The following MON1B variants were observed in gnomAD, a reference collection of about 807,000 sequenced individuals.
The protein encoded by MON1B is MON1 vesicular trafficking associated B, also known as vacuolar fusion protein MON1 homolog B.
Under a neutral mutation model 45.1 loss-of-function variants are expected in MON1B, and 26 were observed. The observed-to-expected ratio is 0.58, with a 90% CI of 0.42 to 0.80. MON1B has a LOEUF of 0.80. Among genes scored for constraint, MON1B ranks in the 30% least tolerant of loss-of-function variants. The pLI, the probability that MON1B is intolerant of heterozygous loss-of-function variation, is 0.00. For synonymous variants in MON1B, 395 were observed against 320.2 expected (o/e 1.23, Z -2.49); for missense variants, 737 against 754.5 (o/e 0.98, Z 0.27).
At position 77,195,067 on chromosome 16, in the gene MON1B, A is replaced by C; in HGVS notation, c.1208A>C (p.Gln403Pro). The C allele has an allele frequency of 1.2e-6, 2 of 1,608,516 alleles. No individual in the cohort carries two copies. The highest frequency in any genetic ancestry group is 1.7e-6 in the Non-Finnish European group (2 of 1,179,894). The stretch of plus-strand genomic sequence containing the variant: ...GCCAGTGCTCCTGCCTACAGCGTGC[A>C]GGCTGTCGGGGCGCCGGGCCTCCGG... Reference protein sequence around the residue: ...SSASAPAYSVQAVGAPGLRHF... With the variant: ...SSASAPAYSVPAVGAPGLRHF... Residue 403 changes from glutamine to proline, a missense_variant, in exon 4 of 6, where the codon CAG becomes CCG. Transcript: ENST00000248248.
intron 5 of MON1B, among the ~76,000 whole-genome samples, chr16:77,195,959 A>T (rs114535093): frequency 7.9e-4 from 120 of 152,230 alleles, no homozygotes; most frequent in African/African-American, 2.7e-3. Context: ...AGGCCCCATT[A>T]ACTACCACTG....
chr16:77,199,675 A>G lies in MON1B; in HGVS notation c.*1367A>G. On this transcript the variant is annotated 3_prime_UTR_variant, in exon 6 of 6. Transcript: ENST00000248248. ...AAACAATTTTTTAACCGTTCAGCAC[A>G]GTGGAGATAAATTAACAGGCATATT... 1 of 600,124 alleles carries G rather than the reference A, an allele frequency of 1.7e-6. No individual in the cohort carries two copies. The allele number at this position is 600,124 out of a possible 1,614,324, so 37.2% of individuals were successfully genotyped here. A position where few individuals can be genotyped will look rare whatever the true frequency, so the allele number is the denominator to read the frequency against.
chr16:77,193,497 G>C lies in MON1B; in HGVS notation c.195G>C (p.Gln65His). The C allele has an allele frequency of 6.2e-7, 1 of 1,601,664 alleles. No homozygotes were observed. The highest frequency in any genetic ancestry group is 1.7e-5 in the Admixed American group (1 of 59,322). ...CACCCAGCCCATCACCACCGCCCCA[G>C]TCAGAGGCCCTGTCAAGCACCTCTC... ...DQPPSPSPPP[Q>H]SEALSSTSRL... The change falls in exon 3 of 6, where the codon CAG becomes CAC. Residue 65 changes from glutamine to histidine, a missense_variant. Physicochemically the swap from Gln to His is conservative, Grantham distance 24. Coordinates refer to ENST00000248248, the MANE Select transcript of MON1B (RefSeq NM_014940.4). The surrounding 1 kb of genome is among the most constrained non-coding windows in gnomAD (Gnocchi z 5.0).
In MON1B at chr16:77,196,676, T is replaced by C. The variant is rs183908637; in HGVS notation, c.1443+994T>C. Among the ~76,000 whole-genome samples the C allele has an allele frequency of 5.2e-3, 796 of 152,278 alleles. 5 individuals carry two copies. The highest frequency in any genetic ancestry group is 0.018 in the African/African-American group (728 of 41,556). ...CTGTAGTCCCAGCTATTCATAAGGC[T>C]GAGGCAGGAGAATCGCTTGAACCTG... On this transcript the variant is annotated intron_variant, in intron 5 of 5. Transcript: ENST00000248248.
rs11344903 is a variant in MON1B at position 77,200,746 on chromosome 16, C to CAAAAAAAAAAAAAAAAAA, written c.*2440_*2457dup. ...ACTCCAGCGCGGAAGACAGAGTGAGCAAAAAAAAAAAAAAAAAAAGAAAAA... is the reference window on the plus strand; with the variant it reads ...ACTCCAGCGCGGAAGACAGAGTGAGCAAAAAAAAAAAAAAAAAAAAAAAAAAAAAAAAAAAAAGAAAAA... On this transcript the variant is annotated 3_prime_UTR_variant, in exon 6 of 6. Coordinates refer to ENST00000248248, the MANE Select transcript of MON1B (RefSeq NM_014940.4). 2.5e-4 allele frequency: 21 copies of CAAAAAAAAAAAAAAAAAA among 84,732 alleles called. No homozygotes were observed. The highest frequency in any genetic ancestry group is 6.5e-3 in the Middle Eastern group (1 of 154). 5.2% of individuals were successfully genotyped at this position (84,732 alleles called of 1,614,324 possible).
At position 77,195,031 on chromosome 16, in the gene MON1B, A is replaced by T. The variant is rs549303499; in HGVS notation, c.1172A>T (p.Asn391Ile). 1 of 1,612,402 alleles carries T rather than the reference A, an allele frequency of 6.2e-7. No individual in the cohort carries two copies. The highest frequency in any genetic ancestry group is 1.7e-5 in the Admixed American group (1 of 60,008). Residue 391 changes from asparagine to isoleucine, a missense_variant, in exon 4 of 6, where the codon AAT (asparagine) becomes ATT (isoleucine). Physicochemically the swap from Asn to Ile is moderately radical, Grantham distance 149. Coordinates refer to ENST00000248248, the MANE Select transcript of MON1B (RefSeq NM_014940.4). Reference sequence around the variant, plus strand: ...CTTGGGGAGGCTGCCAGCTTCTCTAATGCCTCATCAGCCAGTGCTCCTGCC... The same window carrying T: ...CTTGGGGAGGCTGCCAGCTTCTCTATTGCCTCATCAGCCAGTGCTCCTGCC... ...RALGEAASFS[N>I]ASSASAPAYS...
Position 77,199,331 on chromosome 16 carries a change from AT to A in MON1B, c.*1026del. The stretch of plus-strand genomic sequence containing the variant: ...TGCGCCTGCCCAGAGCTGACTCCTG[AT>A]TTAACCGCTGGCGTAACCGCGGGTT... On this transcript the variant is annotated 3_prime_UTR_variant, in exon 6 of 6. Transcript: ENST00000248248. 1 of 959,148 alleles carries A rather than the reference AT, an allele frequency of 1.0e-6. No individual in the cohort carries two copies. Among genetic ancestry groups the A allele is most frequent in the Non-Finnish European group, 1.6e-6 (1 of 633,294 alleles). The allele number at this position is 959,148 out of a possible 1,614,324, so 59.4% of individuals were successfully genotyped here.
chr16:77,194,315 C>T lies in MON1B; in HGVS notation c.476-20C>T. ...TCCTGATCCAGCTGTACCCCCCCTT[C>T]TTACCCCTTCCTTCCCTAGAGGACC... is the stretch of plus-strand genomic sequence containing the variant. On this transcript the variant is annotated intron_variant, in intron 3 of 5. Coordinates refer to ENST00000248248, the MANE Select transcript of MON1B (RefSeq NM_014940.4). This position sits in a 1 kb window ranked among gnomAD's most constrained non-coding sequence, Gnocchi z 8.1. 6.3e-7 allele frequency: 1 copy of T among 1,594,874 alleles called. No individual in the cohort carries two copies. Among genetic ancestry groups the T allele is most frequent in the Non-Finnish European group, 8.5e-7 (1 of 1,174,742 alleles).
rs748557982 is a variant in MON1B at position 77,195,671 on chromosome 16, C to G, written c.1432C>G (p.Leu478Val). The G allele has an allele frequency of 2.5e-6, 4 of 1,614,184 alleles. No individual in the cohort carries two copies. Among genetic ancestry groups the G allele is most frequent in the Non-Finnish European group, 2.5e-6 (3 of 1,180,008 alleles). The change falls in exon 5 of 6, where the codon CTA (leucine) becomes GTA (valine). Residue 478 changes from leucine to valine, a missense_variant. Leu to Val is a conservative substitution (Grantham distance 32). Coordinates refer to ENST00000248248, the MANE Select transcript of MON1B (RefSeq NM_014940.4). ...TTACCACGTGGCTGAGAAGGAGACA[C>G]TACTGGCCTGGGTAAGTTGGGCAGG... The part of the protein sequence containing the change: ...LIYHVAEKET[L>V]LAWVTSKFEL...
rs759185102 is a variant in MON1B at position 77,193,628 on chromosome 16, G to A, written c.326G>A (p.Arg109Gln). 1.4e-5 allele frequency: 23 copies of A among 1,613,984 alleles called. No individual in the cohort carries two copies. Among genetic ancestry groups the A allele is most frequent in the Admixed American group, 8.3e-5 (5 of 60,000 alleles). Reference protein sequence around the residue: ...DPSDEEWRSQRKHVFVLSEAG... With the variant: ...DPSDEEWRSQQKHVFVLSEAG... ...AGTGATGAGGAGTGGCGCAGCCAGC[G>A]GAAGCATGTGTTTGTGCTGAGTGAG... is the stretch of plus-strand genomic sequence containing the variant. Residue 109 changes from arginine to glutamine, a missense_variant, in exon 3 of 6, where the codon CGG (arginine) becomes CAG (glutamine). Transcript: ENST00000248248. The surrounding 1 kb of genome is among the most constrained non-coding windows in gnomAD (Gnocchi z 5.0).
At chr16:77,197,069 T>A (rs4887893) in intron 5 of MON1B, among the ~76,000 whole-genome samples, 10 of 151,988 alleles carry the variant, frequency 6.6e-5, no homozygotes, top group Admixed American at 6.5e-4. Context: ...TAGTAGAGAT[T>A]GGAATTTTAA....
In MON1B at chr16:77,194,169, C is replaced by A. The variant is rs1038104496; in HGVS notation, c.476-166C>A. The A allele has an allele frequency of 8.4e-6, 6 of 714,072 alleles. No homozygotes were observed. The highest frequency in any genetic ancestry group is 1.2e-5 in the Non-Finnish European group (5 of 402,572). 44.2% of individuals were successfully genotyped at this position (714,072 alleles called of 1,614,324 possible). A position where few individuals can be genotyped will look rare whatever the true frequency, so the allele number is the denominator to read the frequency against. On this transcript the variant is annotated intron_variant, in intron 3 of 5. Transcript: ENST00000248248. The surrounding 1 kb of genome is among the most constrained non-coding windows in gnomAD (Gnocchi z 8.1). ...ATCCCATCATGTCTCTGCAAATGTCCAGATTCCTCCAGCTTGTCCTTACCC... is the reference window on the plus strand; with the variant it reads ...ATCCCATCATGTCTCTGCAAATGTCAAGATTCCTCCAGCTTGTCCTTACCC...
rs767968035 is a variant in MON1B at position 77,194,474 on chromosome 16, T to C, written c.615T>C (p.Ser205=). 7 of 1,614,100 alleles carry C rather than the reference T, an allele frequency of 4.3e-6. No individual in the cohort carries two copies. The East Asian group carries it at 1.6e-4, about 36-fold the overall frequency. The change falls in exon 4 of 6, where the codon AGT becomes AGC. Residue 205 remains serine, a synonymous_variant. Coordinates refer to ENST00000248248, the MANE Select transcript of MON1B (RefSeq NM_014940.4). The surrounding 1 kb of genome is among the most constrained non-coding windows in gnomAD (Gnocchi z 8.1). The part of the protein sequence containing the change: ...AQIVSTLTRA[S]VARIFAHKQN... ...TCGTGAGCACACTTACACGTGCAAG[T>C]GTCGCCCGCATCTTCGCACACAAGC... is the stretch of plus-strand genomic sequence containing the variant.
At position 77,201,606 on chromosome 16, in the gene MON1B, G is replaced by A. The variant is rs1211573222; in HGVS notation, c.*3298G>A. On this transcript the variant is annotated 3_prime_UTR_variant, in exon 6 of 6. Transcript: ENST00000248248. ...TCCACTTCGGCAGTGACCATGCGAT[G>A]TAATCAAAGGAGAATACGTAAGTGT... 1.3e-5 allele frequency: 2 copies of A among 152,164 alleles called. No homozygotes were observed. Among genetic ancestry groups the A allele is most frequent in the African/African-American group, 4.8e-5 (2 of 41,438 alleles). 9.4% of individuals were successfully genotyped at this position (152,164 alleles called of 1,614,324 possible). A position where few individuals can be genotyped will look rare whatever the true frequency, so the allele number is the denominator to read the frequency against.
chr16:77,194,100 CCCG>C lies in MON1B; in HGVS notation c.476-234_476-232del. 1.6e-6 allele frequency: 1 copy of C among 610,572 alleles called. No individual in the cohort carries two copies. Among genetic ancestry groups the C allele is most frequent in the South Asian group, 1.9e-5 (1 of 52,230 alleles). The allele number at this position is 610,572 out of a possible 1,614,324, so 37.8% of individuals were successfully genotyped here. ...CCCTTGTACCATCTCTACCCGCCTG[CCCG>C]TGGTCTTTGCTGTGTATCTAACCTA... On this transcript the variant is annotated intron_variant, in intron 3 of 5. Transcript: ENST00000248248. This position sits in a 1 kb window ranked among gnomAD's most constrained non-coding sequence, Gnocchi z 8.1.
At chr16:77,196,552 G>A in intron 5 of MON1B, among the ~76,000 whole-genome samples, 1 of 152,128 alleles carries the variant, frequency 6.6e-6, no homozygotes, top group Admixed American at 6.5e-5. Context: ...GAGGCAGGCT[G>A]ATCACTTGAG....
chr16:77,196,607 C>T (rs1321496548), intron 5 of MON1B, among the ~76,000 whole-genome samples: 2 of 152,074 alleles, frequency 1.3e-5, no homozygotes, highest in Non-Finnish European at 2.9e-5. Context: ...AAAACCCCGT[C>T]TCTACTAAAA....
Position 77,195,076 on chromosome 16 carries a change from G to A in MON1B, c.1217G>A (p.Gly406Glu). 1 of 1,605,662 alleles carries A rather than the reference G, an allele frequency of 6.2e-7. No individual in the cohort carries two copies. The highest frequency in any genetic ancestry group is 8.5e-7 in the Non-Finnish European group (1 of 1,179,758). ...SAPAYSVQAVGAPGLRHFLYK... is the reference protein window; with the variant it reads ...SAPAYSVQAVEAPGLRHFLYK... The stretch of plus-strand genomic sequence containing the variant: ...CCTGCCTACAGCGTGCAGGCTGTCG[G>A]GGCGCCGGGCCTCCGGCACTTCCTG... Residue 406 changes from glycine (G) to glutamate (E), a missense_variant, in exon 4 of 6, where the codon GGG becomes GAG. Physicochemically the swap from Gly to Glu is moderately conservative, Grantham distance 98 (BLOSUM62 -2). Coordinates refer to ENST00000248248, the MANE Select transcript of MON1B (RefSeq NM_014940.4).
At position 77,193,954 on chromosome 16, in the gene MON1B, G is replaced by A. The variant is rs1050865769; in HGVS notation, c.475+177G>A. ...GGGGGGGTTCATCTCTGTCTGGCCT[G>A]CTGGTTTCTTAGTGATTGACTTGCT... On this transcript the variant is annotated intron_variant, in intron 3 of 5. Transcript: ENST00000248248. The surrounding 1 kb of genome is among the most constrained non-coding windows in gnomAD (Gnocchi z 5.0). 2 of 655,164 alleles carry A rather than the reference G, an allele frequency of 3.1e-6. No individual in the cohort carries two copies. Among genetic ancestry groups the A allele is most frequent in the Non-Finnish European group, 5.2e-6 (2 of 387,170 alleles). 40.6% of individuals were successfully genotyped at this position (655,164 alleles called of 1,614,324 possible).
Sources: gnomAD v4.1 joint callset for allele counts (sites outside exome capture counted in the v4.1 genomes callset) on GRCh38, gnomAD v4.1.1 for gene constraint, Gnocchi (gnomAD v3.1) non-coding constraint, MANE v1.5 for transcripts, NCBI Gene and HGNC (gene_info 2026-07-23, HGNC 2026-07-21) for gene names.